Variants in WDPCP observed in about 807,000 individuals in gnomAD.
WDPCP encodes the protein WD repeat containing planar cell polarity effector.
In WDPCP, 71 loss-of-function variants were observed where a neutral mutation model predicts 93.1. The ratio of observed to expected loss-of-function variants is 0.76; its 90% CI spans 0.63 to 0.93. The LOEUF (loss-of-function observed/expected upper bound fraction) is 0.93. Ranked by LOEUF, WDPCP falls within the 40% of genes least tolerant of loss-of-function variation. The pLI, the probability that WDPCP is intolerant of heterozygous loss-of-function variation, is 0.00. For missense variants in WDPCP, 844 were observed against 887.4 expected, an observed-to-expected ratio of 0.95 and a Z score of 0.62; for synonymous variants, 315 against 315.0, an observed-to-expected ratio of 1.00 and a Z score of 0.00.
chr2:63,660,851 G>A (rs1287645758), intron 2 of WDPCP, among the ~76,000 whole-genome samples: 1 of 152,104 alleles, frequency 6.6e-6, no homozygotes, highest in Non-Finnish European at 1.5e-5. Context: ...CTTCATATAA[G>A]AATTAAAGTA....
intron 1 of WDPCP, among the ~76,000 whole-genome samples, chr2:63,817,556 A>G (rs2104112488): frequency 6.6e-6 from 1 of 152,366 alleles, no homozygotes; most frequent in East Asian, 1.9e-4. Flanking sequence ...CTTGCCTGCC[A>G]CCAATAAAAT....
chr2:63,635,337 T>G (rs908502646), intron 3 of WDPCP, among the ~76,000 whole-genome samples: 3 of 152,054 alleles, frequency 2.0e-5, no homozygotes, highest in African/African-American at 7.2e-5. Context: ...TTCCAGAAAA[T>G]TGAAGAGGAG....
chr2:63,679,060 C>T (rs191352892), intron 2 of WDPCP, among the ~76,000 whole-genome samples: 3 of 152,314 alleles, frequency 2.0e-5, no homozygotes, highest in Admixed American at 1.3e-4. Flanking sequence ...TTTCTAATCC[C>T]GTGCATTAAA....
intron 13 of WDPCP, among the ~76,000 whole-genome samples, chr2:63,269,781 A>C (rs1228958139): frequency 6.6e-6 from 1 of 152,190 alleles, no homozygotes; most frequent in Non-Finnish European, 1.5e-5. Context: ...TGCTTTGATT[A>C]GTTCAAATCC....
At chr2:63,496,968 T>C (rs1462647409) in intron 1 of WDPCP, among the ~76,000 whole-genome samples, 3 of 151,650 alleles carry the variant, frequency 2.0e-5, no homozygotes, top group Non-Finnish European at 2.9e-5. Context: ...AAAAATTAGC[T>C]GGGCATGGTG....
At chr2:63,317,435 CA>C (rs894894222) in intron 12 of WDPCP, among the ~76,000 whole-genome samples, 11 of 149,368 alleles carry the variant, frequency 7.4e-5, no homozygotes, top group Admixed American at 5.3e-4. Context: ...TATATGGAAC[CA>C]AAAAAAGCCT....
At chr2:63,211,316 C>T (rs750523956) in intron 14 of WDPCP, among the ~76,000 whole-genome samples, 7 of 152,178 alleles carry the variant, frequency 4.6e-5, no homozygotes, top group Non-Finnish European at 1.0e-4. Context: ...ATTTATGGCT[C>T]TGCAGCCTCC....
intron 15 of WDPCP, among the ~76,000 whole-genome samples, chr2:63,169,709 C>CAGA (rs1559171125): frequency 1.3e-5 from 2 of 152,080 alleles, no homozygotes; most frequent in Non-Finnish European, 2.9e-5. Flanking sequence ...TGTTGCTTCT[C>CAGA]TGTCTTATCT....
At chr2:63,578,090 T>TA (rs10707327) in intron 1 of WDPCP, among the ~76,000 whole-genome samples, 12 of 152,062 alleles carry the variant, frequency 7.9e-5, no homozygotes, top group South Asian at 2.1e-4. Flanking sequence ...ACAGAAAAGT[T>TA]AAAAAAATAC....
At chr2:63,138,698 C>T (rs562652250) in intron 17 of WDPCP, among the ~76,000 whole-genome samples, 46 of 152,146 alleles carry the variant, frequency 3.0e-4, no homozygotes, top group African/African-American at 7.5e-4. Flanking sequence ...GTGATCCACC[C>T]GCCTCAGCCT....
intron 6 of WDPCP, among the ~76,000 whole-genome samples, chr2:63,448,437 AACACACACACACAC>A (rs35247066): frequency 2.0e-5 from 3 of 148,694 alleles, no homozygotes; most frequent in East Asian, 2.0e-4. Context: ...AAAATACATC[AACACACACACACAC>A]ACACACACAC....
intron 1 of WDPCP, among the ~76,000 whole-genome samples, chr2:63,585,077 T>C (rs1708746813): frequency 6.6e-6 from 1 of 152,164 alleles, no homozygotes; most frequent in Non-Finnish European, 1.5e-5. Flanking sequence ...TTCCTGAAAA[T>C]TCCAGTCAAA....
At chr2:63,783,627 T>C (rs1313316583) in intron 2 of WDPCP, among the ~76,000 whole-genome samples, 1 of 152,144 alleles carries the variant, frequency 6.6e-6, no homozygotes, top group East Asian at 1.9e-4. Context: ...TGCAGCTATA[T>C]AGATAGAACT....
chr2:63,280,660 C>G (rs1683466661), intron 13 of WDPCP, among the ~76,000 whole-genome samples: 1 of 152,008 alleles, frequency 6.6e-6, no homozygotes, highest in African/African-American at 2.4e-5. Context: ...AATAAATAAC[C>G]CAGAAATAAA....
At chr2:63,304,388 C>T (rs994902051) in intron 13 of WDPCP, among the ~76,000 whole-genome samples, 1 of 152,144 alleles carries the variant, frequency 6.6e-6, no homozygotes, top group Non-Finnish European at 1.5e-5. Flanking sequence ...GTACCTGATT[C>T]ATCAAATTGA....
intron 13 of WDPCP, among the ~76,000 whole-genome samples, chr2:63,274,415 T>C (rs1682916087): frequency 6.6e-6 from 1 of 151,926 alleles, no homozygotes; most frequent in Non-Finnish European, 1.5e-5. Flanking sequence ...ACAATGCACC[T>C]GAAGGAACTA....
At chr2:63,468,266 C>G (rs919935242) in intron 6 of WDPCP, among the ~76,000 whole-genome samples, 4 of 152,164 alleles carry the variant, frequency 2.6e-5, no homozygotes, top group African/African-American at 7.2e-5. Flanking sequence ...TCTTTCACAT[C>G]TCCCCCACAA....
At chr2:63,593,505 T>A (rs912454787), upstream of WDPCP, 9 of 469,092 alleles carry the variant, frequency 1.9e-5, no homozygotes, top group Non-Finnish European at 3.1e-5. Context: ...AAAGAAGCCT[T>A]CGAGGCTATC....
chr2:63,179,959 A>G (rs574716185), intron 14 of WDPCP, among the ~76,000 whole-genome samples: 1 of 152,244 alleles, frequency 6.6e-6, no homozygotes, highest in African/African-American at 2.4e-5. Context: ...ACTTGAAAAT[A>G]ATGTGTTTTT....
Sources: allele counts gnomAD v4.1 joint callset (sites outside exome capture counted in the v4.1 genomes callset), GRCh38; gene constraint gnomAD v4.1.1; transcripts MANE v1.5; gene names NCBI Gene and HGNC (gene_info 2026-07-23, HGNC 2026-07-21).